MPPED2: variants seen among roughly 807,000 people sequenced by gnomAD.
MPPED2 encodes metallophosphoesterase MPPED2.
Under a neutral mutation model 33.0 loss-of-function variants are expected in MPPED2, and 5 were observed. The observed-to-expected ratio is 0.15, with a 90% confidence interval of 0.08 to 0.32. MPPED2 has a LOEUF of 0.32. Ranked by LOEUF, MPPED2 falls within the 10% of genes least tolerant of loss-of-function variation. The pLI is 1.00. For synonymous variants in MPPED2, 136 were observed against 141.9 expected, an observed-to-expected ratio of 0.96 and a Z score of 0.29; for missense variants, 275 against 372.1, an observed-to-expected ratio of 0.74 and a Z score of 2.15.
intron 3 of MPPED2, among the ~76,000 whole-genome samples, 153 bp downstream of exon 3, chr11:30,535,841 A>C (rs1954778322): frequency 6.6e-6 from 1 of 152,188 alleles, no homozygotes; most frequent in African/African-American, 2.4e-5. Context: ...TTCATCTTTA[A>C]TTAACAGAAT....
intron 3 of MPPED2, among the ~76,000 whole-genome samples, chr11:30,525,635 G>A (rs1954124931): frequency 6.6e-6 from 1 of 152,126 alleles, no homozygotes; most frequent in African/African-American, 2.4e-5. Context: ...AGTGACTTCA[G>A]CTCTAATGGT....
intron 4 of MPPED2, among the ~76,000 whole-genome samples, chr11:30,475,161 T>C (rs992398454): frequency 6.6e-6 from 1 of 152,214 alleles, no homozygotes; most frequent in African/African-American, 2.4e-5. Context: ...GTGACTGATA[T>C]AAATTTATCT....
At chr11:30,478,469 A>G (rs977473197) in intron 4 of MPPED2, among the ~76,000 whole-genome samples, 1 of 152,160 alleles carries the variant, frequency 6.6e-6, no homozygotes, top group Admixed American at 6.6e-5. Flanking sequence ...TCAATGTTCT[A>G]GTAATCAGGC....
chr11:30,426,833 C>T (rs1223589347), intron 4 of MPPED2, among the ~76,000 whole-genome samples: 2 of 152,202 alleles, frequency 1.3e-5, no homozygotes, highest in African/African-American at 4.8e-5. Context: ...CCTGGGGCAT[C>T]TGTGACAGGA....
intron 4 of MPPED2, among the ~76,000 whole-genome samples, chr11:30,447,295 C>G (rs970695038): frequency 9.2e-5 from 14 of 152,206 alleles, no homozygotes; most frequent in African/African-American, 3.4e-4. Flanking sequence ...AACCCCAAAC[C>G]CACAGTAGCC....
rs567682363 is a variant in MPPED2, at chr11:30,410,507, G to A, written c.*961C>T. Reference sequence around the variant, plus strand: ...GAAAGGACAACTAAGCCTTATTTTAGTTAGCTTCCATTGCATCCATTTAAG... The same window carrying A: ...GAAAGGACAACTAAGCCTTATTTTAATTAGCTTCCATTGCATCCATTTAAG... On this transcript the variant is annotated 3_prime_UTR_variant, in exon 7 of 7. Coordinates refer to ENST00000358117, the MANE Select transcript of MPPED2 (RefSeq NM_001584.3). 252 of 985,742 alleles carry A rather than the reference G, an allele frequency of 2.6e-4. No individual in the cohort carries two copies. In the African/African-American group the frequency reaches 3.5e-3, roughly 14 times the overall value. The allele number at this position is 985,742 out of a possible 1,614,324, so 61.1% of individuals were successfully genotyped here. A position where few individuals can be genotyped will look rare whatever the true frequency, so the allele number is the denominator to read the frequency against.
At chr11:30,545,540 A>G (rs927527601) in intron 2 of MPPED2, among the ~76,000 whole-genome samples, 1 of 152,174 alleles carries the variant, frequency 6.6e-6, no homozygotes. Context: ...GAATAGAGTA[A>G]TAGTGATGAT....
chr11:30,540,688 A>G (rs1955054887), intron 2 of MPPED2, among the ~76,000 whole-genome samples: 1 of 152,156 alleles, frequency 6.6e-6, no homozygotes, highest in South Asian at 2.1e-4. Context: ...AACACCCAGC[A>G]TATACTGGGA....
At chr11:30,431,863 G>A (rs1156329282) in intron 4 of MPPED2, among the ~76,000 whole-genome samples, 4 of 152,174 alleles carry the variant, frequency 2.6e-5, no homozygotes, top group African/African-American at 7.2e-5. Flanking sequence ...AAGACAGACT[G>A]CATTTTCATT....
chr11:30,541,352 A>C (rs1271331581), intron 2 of MPPED2, among the ~76,000 whole-genome samples: 5 of 152,228 alleles, frequency 3.3e-5, no homozygotes, highest in Non-Finnish European at 7.3e-5. Flanking sequence ...TTCCAATAAC[A>C]AATGAATACA....
intron 3 of MPPED2, among the ~76,000 whole-genome samples, chr11:30,498,477 G>C (rs951567416): frequency 6.6e-6 from 1 of 151,392 alleles, no homozygotes; most frequent in East Asian, 1.9e-4. Context: ...GAACCCCGGA[G>C]GTGCAGGTTG....
intron 4 of MPPED2, among the ~76,000 whole-genome samples, chr11:30,446,521 C>T (rs1949816567): frequency 6.6e-6 from 1 of 152,150 alleles, no homozygotes; most frequent in Admixed American, 6.5e-5. Flanking sequence ...AACAGCCTTC[C>T]ATCTCTGGGC....
At chr11:30,418,317 G>A (rs911097626) in intron 4 of MPPED2, among the ~76,000 whole-genome samples, 7 of 152,208 alleles carry the variant, frequency 4.6e-5, no homozygotes, top group Non-Finnish European at 7.3e-5. Flanking sequence ...CAATGAACAT[G>A]AGCCTTTTTC....
chr11:30,506,539 G>GC (rs763597986), intron 3 of MPPED2, among the ~76,000 whole-genome samples: 5 of 152,056 alleles, frequency 3.3e-5, no homozygotes, highest in Admixed American at 6.6e-5. Context: ...CCTTTAAAAA[G>GC]CAACTGAGAA....
intron 2 of MPPED2, among the ~76,000 whole-genome samples, chr11:30,546,227 A>G (rs1955419038): frequency 6.6e-6 from 1 of 152,214 alleles, no homozygotes; most frequent in Non-Finnish European, 1.5e-5. Flanking sequence ...TAAATCAATC[A>G]TTACAACATC....
chr11:30,546,836 A>G, intron 2 of MPPED2, among the ~76,000 whole-genome samples: 1 of 152,240 alleles, frequency 6.6e-6, no homozygotes, highest in East Asian at 1.9e-4. Flanking sequence ...TTAATTCAAT[A>G]CAATAATTAT....
At chr11:30,388,150 A>T (rs1269677779) in exon 7 of MPPED2, 1 of 152,338 alleles carries the variant, frequency 6.6e-6, no homozygotes, top group Non-Finnish European at 1.5e-5. Context: ...CTATTAGAAG[A>T]TAAGCTTTGT....
chr11:30,512,130 T>C (rs972781925), intron 3 of MPPED2, among the ~76,000 whole-genome samples: 1 of 152,190 alleles, frequency 6.6e-6, no homozygotes, highest in Non-Finnish European at 1.5e-5. Flanking sequence ...AGTAACGGTG[T>C]CCTATGAGAA....
At chr11:30,384,530 T>C (rs1222683515) in exon 7 of MPPED2, 5 of 150,968 alleles carry the variant, frequency 3.3e-5, no homozygotes, top group Non-Finnish European at 7.4e-5. Context: ...TGGAGTTCAG[T>C]GGCACGACCT....
Sources: allele counts gnomAD v4.1 joint callset (sites outside exome capture counted in the v4.1 genomes callset), GRCh38; gene constraint gnomAD v4.1.1; transcripts MANE v1.5; gene names NCBI Gene and HGNC (gene_info 2026-07-23, HGNC 2026-07-21).